The following ABHD2 variants were observed in gnomAD, a reference collection of about 807,000 sequenced individuals.
The protein encoded by ABHD2 is monoacylglycerol lipase ABHD2.
A neutral mutation model predicts 48.1 loss-of-function variants in ABHD2; 20 were observed. The observed-to-expected ratio is 0.42, with a 90% confidence interval of 0.29 to 0.60. The LOEUF (loss-of-function observed/expected upper bound fraction) is 0.60, where lower values mean the gene tolerates loss of function less well. ABHD2 is among the 20% of genes least tolerant of loss of function. The pLI, the probability that ABHD2 is intolerant of heterozygous loss-of-function variation, is 0.24. For missense variants in ABHD2, 405 were observed against 550.9 expected (o/e 0.74, Z 2.65); for synonymous variants, 209 against 214.2 (o/e 0.98, Z 0.21).
chr15:89,093,658 T>C (rs2150772482), intron 1 of ABHD2: 1 of 152,444 alleles, frequency 6.6e-6, no homozygotes, highest in East Asian at 1.9e-4. Context: ...CACCTGCTCC[T>C]CTGTAAAGCG....
chr15:89,131,176 C>T (rs150125265), intron 3 of ABHD2, among the ~76,000 whole-genome samples: 1 of 152,352 alleles, frequency 6.6e-6, no homozygotes, highest in African/African-American at 2.4e-5. Flanking sequence ...AGTGGCTCCT[C>T]ACTGTCTGTA....
intron 1 of ABHD2, among the ~76,000 whole-genome samples, chr15:89,109,432 A>G (rs2049839288): frequency 6.6e-6 from 1 of 152,164 alleles, no homozygotes; most frequent in Non-Finnish European, 1.5e-5. Context: ...GGGACACAGG[A>G]AGCCCAGCCC....
chr15:89,132,210 C>T (rs1252607478), intron 3 of ABHD2, among the ~76,000 whole-genome samples: 2 of 152,156 alleles, frequency 1.3e-5, no homozygotes, highest in Admixed American at 6.5e-5. Context: ...ACACAGAGTT[C>T]AAATGCAGGG....
rs1346056794 is a variant in ABHD2, at chr15:89,116,260, G to A, written c.-6-62G>A. The stretch of plus-strand genomic sequence containing the variant: ...TCTTAGCCCACCATGCGTCTGTAGG[G>A]TGGTGGGCACCACCCGTCCTCACTG... On this transcript the variant is annotated intron_variant, in intron 2 of 10. Transcript: ENST00000352732. The surrounding 1 kb of genome is among the most constrained non-coding windows in gnomAD (Gnocchi z 4.6). 1 of 1,472,482 alleles carries A rather than the reference G, an allele frequency of 6.8e-7. No individual in the cohort carries two copies. Among genetic ancestry groups the A allele is most frequent in the Non-Finnish European group, 9.3e-7 (1 of 1,074,172 alleles). The allele number at this position is 1,472,482 out of a possible 1,614,324, so 91.2% of individuals were successfully genotyped here.
chr15:89,184,502 G>T lies in ABHD2; in HGVS notation c.723-922G>T, dbSNP rs543681511. On this transcript the variant is annotated intron_variant, in intron 6 of 10. Transcript: ENST00000352732. This position sits in a 1 kb window ranked among gnomAD's most constrained non-coding sequence, Gnocchi z 5.1. ...TGTAATGAGTGTGGACTCAGTGTCC[G>T]CCTGCGTTTGGATTCACGCCCAAGG... 6.6e-6 allele frequency among the ~76,000 whole-genome samples: 1 copy of T among 152,036 alleles called. No homozygotes were observed. Among genetic ancestry groups the T allele is most frequent in the South Asian group, 2.1e-4 (1 of 4,824 alleles).
At chr15:89,183,813 C>T (rs1317894423) in intron 6 of ABHD2, among the ~76,000 whole-genome samples, 2 of 152,154 alleles carry the variant, frequency 1.3e-5, no homozygotes, top group African/African-American at 4.8e-5. Flanking sequence ...GTTAGGAGGT[C>T]AGCAAAGGGA....
chr15:89,136,262 T>C (rs2050310758), intron 3 of ABHD2: 2 of 392,796 alleles, frequency 5.1e-6, no homozygotes, highest in Admixed American at 5.9e-5. Context: ...TTAGGAAAGA[T>C]ACAGGTTTTC....
At chr15:89,178,375 G>A (rs1460166060) in intron 6 of ABHD2, among the ~76,000 whole-genome samples, 2 of 152,318 alleles carry the variant, frequency 1.3e-5, no homozygotes, top group East Asian at 3.9e-4. Flanking sequence ...GAGCCTTTCA[G>A]CACTGGGATG....
the ABHD2 span, among the ~76,000 whole-genome samples, chr15:89,064,168 C>A: frequency 3.3e-5 from 5 of 150,904 alleles, 1 homozygote; most frequent in African/African-American, 1.2e-4. Context: ...CATGTTATAG[C>A]ATGTGTCAGA....
At chr15:89,143,019 A>G (rs2050430230) in intron 3 of ABHD2, among the ~76,000 whole-genome samples, 1 of 152,164 alleles carries the variant, frequency 6.6e-6, no homozygotes, top group South Asian at 2.1e-4. Context: ...TTTTTAATAC[A>G]ATACAGTTAA....
chr15:89,144,437 A>T (rs1463438646), intron 3 of ABHD2, among the ~76,000 whole-genome samples: 1 of 152,070 alleles, frequency 6.6e-6, no homozygotes. Context: ...CGGGCCTACC[A>T]TTCAGTGTCT....
intron 3 of ABHD2, among the ~76,000 whole-genome samples, chr15:89,128,835 A>G (rs1268633731): frequency 6.6e-6 from 1 of 152,080 alleles, no homozygotes; most frequent in Non-Finnish European, 1.5e-5. Flanking sequence ...TCTAATTCCC[A>G]GAGAGGAAGA....
At chr15:89,135,118 G>T in intron 3 of ABHD2, among the ~76,000 whole-genome samples, 1 of 140,918 alleles carries the variant, frequency 7.1e-6, no homozygotes, top group Non-Finnish European at 1.5e-5. Flanking sequence ...CATTCAGAAT[G>T]TCAACAAAAT....
Position 89,151,978 on chromosome 15 carries a change from C to G in ABHD2, c.370+126C>G. The G allele has an allele frequency of 7.8e-7, 1 of 1,278,998 alleles. No individual in the cohort carries two copies. The highest frequency in any genetic ancestry group is 1.5e-5 in the South Asian group (1 of 65,850). 79.2% of individuals were successfully genotyped at this position (1,278,998 alleles called of 1,614,324 possible). ...CATGGCATCAGGGGCTGTTGGGAAG[C>G]CTGCTGGGATTCGTCACTTAGGAGC... is the stretch of plus-strand genomic sequence containing the variant. On this transcript the variant is annotated intron_variant, in intron 4 of 10. Coordinates refer to ENST00000352732, the MANE Select transcript of ABHD2 (RefSeq NM_152924.5). The surrounding 1 kb of genome is among the most constrained non-coding windows in gnomAD (Gnocchi z 4.7).
At chr15:89,076,946 A>C in the ABHD2 span, among the ~76,000 whole-genome samples, 1 of 152,218 alleles carries the variant, frequency 6.6e-6, no homozygotes, top group Non-Finnish European at 1.5e-5. Context: ...TCTGTGGTTA[A>C]GGGGGTAGGT....
In ABHD2 at chr15:89,182,174, A is replaced by G. The variant is rs1156679761; in HGVS notation, c.723-3250A>G. 6.6e-6 allele frequency among the ~76,000 whole-genome samples: 1 copy of G among 152,116 alleles called. No homozygotes were observed. The highest frequency in any genetic ancestry group is 1.5e-5 in the Non-Finnish European group (1 of 68,000). Reference sequence around the variant, plus strand: ...GAAACTATACTGGGTTTGGGGGTTAATTTTCTCTTCTCATTTGTGATTATC... The same window carrying G: ...GAAACTATACTGGGTTTGGGGGTTAGTTTTCTCTTCTCATTTGTGATTATC... On this transcript the variant is annotated intron_variant, in intron 6 of 10. Transcript: ENST00000352732. The surrounding 1 kb of genome is among the most constrained non-coding windows in gnomAD (Gnocchi z 4.8).
chr15:89,165,785 C>G (rs1015317566), intron 5 of ABHD2, among the ~76,000 whole-genome samples: 1 of 152,200 alleles, frequency 6.6e-6, no homozygotes, highest in African/African-American at 2.4e-5. Flanking sequence ...TTGGCTTACT[C>G]TTTATTGACT....
intron 3 of ABHD2, among the ~76,000 whole-genome samples, chr15:89,132,469 C>T (rs1176506442): frequency 6.6e-6 from 1 of 152,200 alleles, no homozygotes; most frequent in Admixed American, 6.5e-5. Context: ...AATTATATAT[C>T]TCTATCTGAG....
the ABHD2 span, among the ~76,000 whole-genome samples, chr15:89,045,209 A>G: frequency 2.2e-4 from 33 of 151,868 alleles, no homozygotes; most frequent in African/African-American, 7.7e-4. Context: ...AAGATCAGAT[A>G]GTTGTAGATA....
Sources: gnomAD v4.1 joint callset for allele counts (sites outside exome capture counted in the v4.1 genomes callset) on GRCh38, gnomAD v4.1.1 for gene constraint, Gnocchi (gnomAD v3.1) non-coding constraint, MANE v1.5 for transcripts, NCBI Gene and HGNC (gene_info 2026-07-23, HGNC 2026-07-21) for gene names.